The following CAMTA1 variants were observed in gnomAD, a reference collection of about 807,000 sequenced individuals.
CAMTA1 encodes calmodulin-binding transcription activator 1.
Under a neutral mutation model 170.9 loss-of-function variants are expected in CAMTA1, and 27 were observed. That is an observed-to-expected ratio of 0.16 (90% confidence interval 0.12 to 0.22). The LOEUF is 0.22. CAMTA1 is among the 10% of genes least tolerant of loss of function. The pLI is 1.00. For missense variants in CAMTA1, 1,619 were observed against 2,217.2 expected, an observed-to-expected ratio of 0.73 and a Z score of 5.42; for synonymous variants, 833 against 891.5, an observed-to-expected ratio of 0.93 and a Z score of 1.17.
intron 3 of CAMTA1, among the ~76,000 whole-genome samples, chr1:7,038,035 G>GT (rs1703896613): frequency 6.6e-6 from 1 of 151,866 alleles, no homozygotes; most frequent in Admixed American, 6.6e-5. Context: ...CGAGGCCTCA[G>GT]TTTCCTCAAC....
chr1:7,221,256 T>C (rs577093961), intron 4 of CAMTA1, among the ~76,000 whole-genome samples: 24 of 151,816 alleles, frequency 1.6e-4, no homozygotes. Context: ...GACAGAACTC[T>C]CATTCACAGC....
intron 11 of CAMTA1, among the ~76,000 whole-genome samples, chr1:7,689,827 C>T (rs1045918784): frequency 2.0e-5 from 3 of 152,152 alleles, no homozygotes; most frequent in Admixed American, 6.5e-5. Flanking sequence ...GCCAAATTCA[C>T]CCATGCCCCA....
At chr1:7,260,306 C>T (rs1167125123) in intron 5 of CAMTA1, among the ~76,000 whole-genome samples, 1 of 152,190 alleles carries the variant, frequency 6.6e-6, no homozygotes, top group Non-Finnish European at 1.5e-5. Flanking sequence ...TCATACTCAG[C>T]TTATATTTCT....
intron 3 of CAMTA1, among the ~76,000 whole-genome samples, chr1:6,993,729 T>C (rs1396737574): frequency 1.3e-5 from 2 of 152,210 alleles, no homozygotes; most frequent in African/African-American, 2.4e-5. Flanking sequence ...TATTGCTTTC[T>C]TTGTCTTTCT....
At chr1:7,708,954 G>C (rs1040045809) in intron 11 of CAMTA1, among the ~76,000 whole-genome samples, 2 of 151,776 alleles carry the variant, frequency 1.3e-5, no homozygotes, top group African/African-American at 4.8e-5. Flanking sequence ...CATTTTTTCA[G>C]CTTTCGTGTT....
In CAMTA1 at chr1:7,673,693, G is replaced by A. The variant is rs1576756956; in HGVS notation, c.2779+2656G>A. ...ACTCCCCTGCTAGAGCCAGCACTCTGTCTTCAGCTAACTCCACAAAGGGGG... is the reference window on the plus strand; with the variant it reads ...ACTCCCCTGCTAGAGCCAGCACTCTATCTTCAGCTAACTCCACAAAGGGGG... On this transcript the variant is annotated intron_variant, in intron 10 of 22. Transcript: ENST00000303635. This position sits in a 1 kb window ranked among gnomAD's most constrained non-coding sequence, Gnocchi z 4.6. Among the ~76,000 whole-genome samples the A allele has an allele frequency of 6.6e-6, 1 of 152,356 alleles. No individual in the cohort carries two copies. Among genetic ancestry groups the A allele is most frequent in the Non-Finnish European group, 1.5e-5 (1 of 68,038 alleles).
At chr1:7,283,427 A>G (rs1018794211) in intron 5 of CAMTA1, among the ~76,000 whole-genome samples, 2 of 152,158 alleles carry the variant, frequency 1.3e-5, no homozygotes, top group Non-Finnish European at 2.9e-5. Flanking sequence ...CTACAGCTCC[A>G]GTGGTACTTG....
intron 5 of CAMTA1, among the ~76,000 whole-genome samples, chr1:7,424,266 T>C (rs987470635): frequency 7.2e-5 from 11 of 152,112 alleles, no homozygotes; most frequent in Middle Eastern, 3.2e-3. Flanking sequence ...TAAACATCAA[T>C]AGACATTTTT....
intron 1 of CAMTA1, among the ~76,000 whole-genome samples, chr1:6,799,553 C>G (rs1364556779): frequency 6.6e-6 from 1 of 152,200 alleles, no homozygotes; most frequent in African/African-American, 2.4e-5. Context: ...TCCAGCACAG[C>G]TTTTCCTCAT....
chr1:7,458,038 G>T (rs2093001232), intron 5 of CAMTA1, among the ~76,000 whole-genome samples: 1 of 152,156 alleles, frequency 6.6e-6, no homozygotes, highest in Non-Finnish European at 1.5e-5. Flanking sequence ...GGTTCTTCTG[G>T]CTGTTTCCCT....
At chr1:7,646,086 G>A (rs1295215299) in intron 7 of CAMTA1, among the ~76,000 whole-genome samples, 1 of 152,042 alleles carries the variant, frequency 6.6e-6, no homozygotes, top group Non-Finnish European at 1.5e-5. Flanking sequence ...TTGGGTGGAG[G>A]CCATGGTGAG....
intron 3 of CAMTA1, chr1:6,871,741 C>A: frequency 1.3e-6 from 2 of 1,532,288 alleles, no homozygotes; most frequent in Non-Finnish European, 1.7e-6. Flanking sequence ...CTTACTGGAG[C>A]TCCTTTGTTT....
intron 3 of CAMTA1, among the ~76,000 whole-genome samples, chr1:6,904,552 C>T (rs1038267982): frequency 1.8e-4 from 25 of 140,540 alleles, no homozygotes; most frequent in Admixed American, 2.1e-4. Context: ...TTCTTTCTTT[C>T]TTTTTTTTTT....
At chr1:7,282,645 C>T (rs537263945) in intron 5 of CAMTA1, among the ~76,000 whole-genome samples, 1 of 152,068 alleles carries the variant, frequency 6.6e-6, no homozygotes, top group Non-Finnish European at 1.5e-5. Flanking sequence ...AAGGACTCCA[C>T]GTGAAGGCTG....
chr1:7,759,182 C>T (rs2096956230), intron 22 of CAMTA1, among the ~76,000 whole-genome samples: 1 of 151,550 alleles, frequency 6.6e-6, no homozygotes, highest in African/African-American at 2.4e-5. Flanking sequence ...AAAATAATAT[C>T]TGGAAACTTA....
chr1:6,812,148 G>T (rs906973025), intron 1 of CAMTA1, among the ~76,000 whole-genome samples: 35 of 152,136 alleles, frequency 2.3e-4, no homozygotes, highest in African/African-American at 7.5e-4. Flanking sequence ...TACTTTTTCT[G>T]CCCGCATTTT....
intron 11 of CAMTA1, among the ~76,000 whole-genome samples, chr1:7,729,617 C>T (rs1405388868): frequency 6.6e-6 from 1 of 152,206 alleles, no homozygotes; most frequent in Admixed American, 6.5e-5. Context: ...CTTTTCTTCC[C>T]ATCACCCTTC....
intron 4 of CAMTA1, among the ~76,000 whole-genome samples, chr1:7,099,969 G>A (rs1268411127): frequency 6.6e-6 from 1 of 152,212 alleles, no homozygotes; most frequent in Admixed American, 6.5e-5. Context: ...TGGGGCAGAG[G>A]CCAGGGGGTG....
At position 7,674,599 on chromosome 1, in the gene CAMTA1, T is replaced by C. The variant is rs1269616955; in HGVS notation, c.2780-3000T>C. ...TTCGAGACCAGCCTGACCGACATGG[T>C]GAAACCCCGTCTCTACTAAAAATAC... On this transcript the variant is annotated intron_variant, in intron 10 of 22. Transcript: ENST00000303635. The surrounding 1 kb of genome is among the most constrained non-coding windows in gnomAD (Gnocchi z 4.1). Among the ~76,000 whole-genome samples, 4 of 151,966 alleles carry C rather than the reference T, an allele frequency of 2.6e-5. No individual in the cohort carries two copies. Among genetic ancestry groups the C allele is most frequent in the African/African-American group, 9.7e-5 (4 of 41,332 alleles).
Sources: allele counts gnomAD v4.1 joint callset (sites outside exome capture counted in the v4.1 genomes callset), GRCh38; gene constraint gnomAD v4.1.1; non-coding constraint Gnocchi (gnomAD v3.1); transcripts MANE v1.5; gene names NCBI Gene and HGNC (gene_info 2026-07-23, HGNC 2026-07-21).